The following HS6ST2 variants were observed in gnomAD, a reference collection of about 807,000 sequenced individuals.
HS6ST2 encodes the protein heparan sulfate 6-O-sulfotransferase 2, also known as heparan-sulfate 6-O-sulfotransferase 2.
In HS6ST2, 17 loss-of-function variants were observed where a neutral mutation model predicts 33.0. The ratio of observed to expected loss-of-function variants is 0.52; its 90% CI spans 0.35 to 0.77. The LOEUF (loss-of-function observed/expected upper bound fraction) is 0.77. Among genes scored for constraint, HS6ST2 ranks in the 30% least tolerant of loss-of-function variants. The pLI, the probability that HS6ST2 is intolerant of heterozygous loss-of-function variation, is 0.01. For missense variants in HS6ST2, 519 were observed against 551.7 expected (o/e 0.94, Z 0.59); for synonymous variants, 248 against 237.1 (o/e 1.05, Z -0.42).
intron 2 of HS6ST2, among the ~76,000 whole-genome samples, chrX:132,774,729 G>T (rs2148325364): frequency 9.0e-6 from 1 of 110,726 alleles, no homozygotes; most frequent in East Asian, 2.8e-4. Flanking sequence ...CGCCCAGGCT[G>T]GAGTGCAGTC....
chrX:132,728,883 C>T (rs1210064450), intron 2 of HS6ST2, among the ~76,000 whole-genome samples: 2 of 112,713 alleles, frequency 1.8e-5, no homozygotes, highest in Non-Finnish European at 3.7e-5. Flanking sequence ...AAGTATATCA[C>T]TGAAACTTGC....
chrX:132,898,645 G>A lies in HS6ST2; in HGVS notation c.947+58163C>T, dbSNP rs928739328. ...CCCTCAGAGAAGGGGAACAAGTGAG[G>A]CACCCCTAAATCTTCCCTAGCTTAC... On this transcript the variant is annotated intron_variant, in intron 2 of 4. Coordinates refer to ENST00000370833, the MANE Select transcript of HS6ST2 (RefSeq NM_001394073.1). Among the ~76,000 whole-genome samples the A allele has an allele frequency of 2.7e-5, 3 of 110,547 alleles. No individual in the cohort carries two copies. The Admixed American group carries it at 2.9e-4, about 11-fold the overall frequency.
At chrX:132,703,779 A>G (rs891392181) in intron 3 of HS6ST2, among the ~76,000 whole-genome samples, 1 of 112,455 alleles carries the variant, frequency 8.9e-6, no homozygotes, top group African/African-American at 3.2e-5. Flanking sequence ...ATTCAGATTT[A>G]TGTACATTCC....
At chrX:132,739,645 G>A (rs1455079438) in intron 2 of HS6ST2, among the ~76,000 whole-genome samples, 1 of 107,041 alleles carries the variant, frequency 9.3e-6, no homozygotes, top group Non-Finnish European at 1.9e-5. Flanking sequence ...AACCCAGGGG[G>A]CAGAGGTTGC....
At chrX:132,749,168 C>T (rs2064676354) in intron 2 of HS6ST2, among the ~76,000 whole-genome samples, 1 of 112,162 alleles carries the variant, frequency 8.9e-6, no homozygotes, top group Admixed American at 9.4e-5. Flanking sequence ...ATTCTCACAG[C>T]ACACTTTGTT....
intron 2 of HS6ST2, among the ~76,000 whole-genome samples, chrX:132,809,458 G>C (rs2065318497): frequency 8.9e-6 from 1 of 112,025 alleles, no homozygotes; most frequent in Admixed American, 9.5e-5. Flanking sequence ...CTGACAATGT[G>C]GTTGGCACTG....
At chrX:132,919,989 T>C (rs1280621009) in intron 2 of HS6ST2, among the ~76,000 whole-genome samples, 1 of 111,351 alleles carries the variant, frequency 9.0e-6, no homozygotes, top group Non-Finnish European at 1.9e-5. Context: ...CCGTGATTAG[T>C]TGCTAAATTA....
At chrX:132,685,046 C>A (rs1489393207) in intron 3 of HS6ST2, among the ~76,000 whole-genome samples, 1 of 111,490 alleles carries the variant, frequency 9.0e-6, no homozygotes, top group Non-Finnish European at 1.9e-5. Context: ...CCGAGGAGCA[C>A]AGTAAAGAAG....
At chrX:132,652,734 T>C (rs2063703433) in intron 4 of HS6ST2, among the ~76,000 whole-genome samples, 1 of 110,615 alleles carries the variant, frequency 9.0e-6, no homozygotes, top group African/African-American at 3.3e-5. Flanking sequence ...TTTGGTAATA[T>C]CTAGTAAGGC....
At chrX:132,678,298 G>A (rs953370925) in intron 3 of HS6ST2, among the ~76,000 whole-genome samples, 2 of 112,202 alleles carry the variant, frequency 1.8e-5, no homozygotes, top group African/African-American at 3.2e-5. Flanking sequence ...CAAGGCTGCA[G>A]TGAGCTGTGA....
rs1250823494 is a variant in HS6ST2, at chrX:132,884,206, T to C, written c.947+72602A>G. On this transcript the variant is annotated intron_variant, in intron 2 of 4. Coordinates refer to ENST00000370833, the MANE Select transcript of HS6ST2 (RefSeq NM_001394073.1). The stretch of plus-strand genomic sequence containing the variant: ...CTGACACTGTGGAAAGACACAAACA[T>C]GTGTGAAACTGGTTATCTCTGACCT... Among the ~76,000 whole-genome samples, 4 of 111,517 alleles carry C rather than the reference T, an allele frequency of 3.6e-5. No individual in the cohort carries two copies. In the East Asian group the frequency reaches 8.5e-4, roughly 24 times the overall value.
rs779357385 is a variant in HS6ST2, at chrX:132,958,203, A to C, written c.400T>G (p.Phe134Val). The C allele has an allele frequency of 1.7e-5, 20 of 1,159,363 alleles. No individual in the cohort carries two copies. Among genetic ancestry groups the C allele is most frequent in the Non-Finnish European group, 2.2e-5 (19 of 876,534 alleles). The change falls in exon 1 of 5, where the codon TTC becomes GTC. Residue 134 changes from phenylalanine (F) to valine (V), a missense_variant. By Grantham distance (50) the Phe-to-Val change is conservative. Coordinates refer to ENST00000370833, the MANE Select transcript of HS6ST2 (RefSeq NM_001394073.1). ...HSLKHVLGAI[F>V]SKIFGPMASV... The stretch of plus-strand genomic sequence containing the variant: ...GCCATGGGGCCGAAAATCTTGGAGA[A>C]GATCGCACCGAGCACGTGCTTCAGC...
Position 132,720,786 on chromosome X carries a change from T to A in HS6ST2, c.948-12292A>T, listed in dbSNP as rs145994960. Reference sequence around the variant, plus strand: ...AAAAGAGTAGGACTAGCTATACTTGTATCAGACAAAATAGATTTCAAGACA... The same window carrying A: ...AAAAGAGTAGGACTAGCTATACTTGAATCAGACAAAATAGATTTCAAGACA... On this transcript the variant is annotated intron_variant, in intron 2 of 4. Coordinates refer to ENST00000370833, the MANE Select transcript of HS6ST2 (RefSeq NM_001394073.1). Among the ~76,000 whole-genome samples the A allele has an allele frequency of 8.9e-3, 971 of 108,968 alleles. 11 individuals carry two copies. The highest frequency in any genetic ancestry group is 0.031 in the African/African-American group (928 of 29,955). 94.6% of individuals were successfully genotyped at this position (108,968 alleles called of 115,157 possible).
intron 4 of HS6ST2, among the ~76,000 whole-genome samples, chrX:132,658,464 A>G (rs1450851575): frequency 9.2e-6 from 1 of 109,143 alleles, no homozygotes; most frequent in African/African-American, 3.4e-5. Flanking sequence ...AAAGTTGTAA[A>G]ATATGGTTTT....
intron 2 of HS6ST2, among the ~76,000 whole-genome samples, chrX:132,752,163 G>A (rs2064712594): frequency 9.0e-6 from 1 of 111,107 alleles, no homozygotes; most frequent in Admixed American, 9.6e-5. Context: ...AATCCCATGT[G>A]GTGGAACTGT....
At chrX:132,650,741 A>ATCTCTCTCTCTCTCTCTCTCTCTCTCTC (rs3066707) in intron 4 of HS6ST2, among the ~76,000 whole-genome samples, 5 of 87,404 alleles carry the variant, frequency 5.7e-5, no homozygotes, top group African/African-American at 4.5e-5. Context: ...CATAGGAGGG[A>ATCTCTCTCTCTCTCTCTCTCTCTCTCTC]TCTCTCTCTC....
At chrX:132,860,762 C>G (rs1422946581) in intron 2 of HS6ST2, among the ~76,000 whole-genome samples, 1 of 102,600 alleles carries the variant, frequency 9.7e-6, no homozygotes, top group African/African-American at 3.6e-5. Context: ...AGTCTGGGTC[C>G]TTAGGCATGT....
At chrX:132,738,427 C>T (rs138994733) in intron 2 of HS6ST2, among the ~76,000 whole-genome samples, 1,396 of 112,268 alleles carry the variant, frequency 0.012, 25 homozygotes, top group African/African-American at 0.043. Context: ...AGGCGGGATG[C>T]AGAGTTGTGG....
At chrX:132,832,277 T>G (rs1238491341) in intron 2 of HS6ST2, among the ~76,000 whole-genome samples, 1 of 112,082 alleles carries the variant, frequency 8.9e-6, no homozygotes, top group African/African-American at 3.2e-5. Context: ...TAATTTATAT[T>G]CTGAAAGTTT....
Sources: gnomAD v4.1 joint callset for allele counts (sites outside exome capture counted in the v4.1 genomes callset) on GRCh38, gnomAD v4.1.1 for gene constraint, MANE v1.5 for transcripts, NCBI Gene and HGNC (gene_info 2026-07-23, HGNC 2026-07-21) for gene names.